Variants in TPO observed in about 807,000 individuals in gnomAD.
The protein encoded by TPO is thyroid peroxidase.
In TPO, 78 loss-of-function variants were observed where a neutral mutation model predicts 96.9. The observed-to-expected ratio is 0.81, with a 90% CI of 0.67 to 0.97. The LOEUF is 0.97. Among genes scored for constraint, TPO ranks in the 50% least tolerant of loss-of-function variants. The pLI is 0.00. For synonymous variants in TPO, 547 were observed against 538.0 expected, an observed-to-expected ratio of 1.02 and a Z score of -0.23; for missense variants, 1,252 against 1,274.8, an observed-to-expected ratio of 0.98 and a Z score of 0.27.
rs1374967073 is a variant in TPO at position 1,496,360 on chromosome 2, C to T, written c.2215+163C>T. Among the ~76,000 whole-genome samples the T allele has an allele frequency of 2.0e-5, 3 of 147,076 alleles. 1 individual carries two copies. Among genetic ancestry groups the T allele is most frequent in the Non-Finnish European group, 1.5e-5 (1 of 66,550 alleles). On this transcript the variant is annotated intron_variant, in intron 12 of 16. Transcript: ENST00000329066. ...GCTCCTGGGGCGGGGCGGGGCGGGG[C>T]GGGGCCCTTCTCTAGTGAGAAAGGA... is the stretch of plus-strand genomic sequence containing the variant.
chr2:1,448,755 A>G (rs1667055826), intron 5 of TPO, among the ~76,000 whole-genome samples: 1 of 152,174 alleles, frequency 6.6e-6, no homozygotes, highest in Admixed American at 6.5e-5. Flanking sequence ...ATCAGAGCAC[A>G]TTTGTTCACG....
chr2:1,419,090 T>C (rs9326168), intron 2 of TPO, among the ~76,000 whole-genome samples: 29,265 of 152,136 alleles, frequency 0.19, 3,693 homozygotes, highest in African/African-American at 0.36. Context: ...GTCCCTGAAT[T>C]CCACCTCTTT....
At chr2:1,412,120 T>A (rs1392031834), upstream of TPO, among the ~76,000 whole-genome samples, 1 of 152,202 alleles carries the variant, frequency 6.6e-6, no homozygotes, top group Non-Finnish European at 1.5e-5. Context: ...GCCCAAGAGC[T>A]CACTGCCCGC....
At chr2:1,538,047 A>ACCTCCTCAAATCCCCGCACTGTGTGCAG (rs1680260728) in intron 15 of TPO, among the ~76,000 whole-genome samples, 4 of 86,688 alleles carry the variant, frequency 4.6e-5, no homozygotes, top group African/African-American at 2.8e-4. Context: ...ACTGTGTGCA[A>ACCTCCTCAAATCCCCGCACTGTGTGCAG]CCTCCTCAAA....
intron 14 of TPO, among the ~76,000 whole-genome samples, chr2:1,509,157 C>T (rs1221639826): frequency 1.3e-5 from 2 of 152,190 alleles, no homozygotes; most frequent in Non-Finnish European, 2.9e-5. Flanking sequence ...AGTAGTCATT[C>T]AGGAGCAGGT....
At chr2:1,484,981 A>AT (rs1333636120) in intron 9 of TPO, 127 bp downstream of exon 9, 62 of 1,428,216 alleles carry the variant, frequency 4.3e-5, no homozygotes, top group Admixed American at 2.9e-4. Flanking sequence ...TAGGGTATAC[A>AT]TGTGCCATGT....
Position 1,494,058 on chromosome 2 carries a change from C to A in TPO, c.2006+19C>A, listed in dbSNP as rs189227782. ...GTGACTGGTACGTTCCTATCCAGAG[C>A]GTCTTCCTTCACGTTCTGCACAGAG... On this transcript the variant is annotated intron_variant, in intron 11 of 16. Coordinates refer to ENST00000329066, the MANE Select transcript of TPO (RefSeq NM_001206744.2). 7 of 1,610,844 alleles carry A rather than the reference C, an allele frequency of 4.3e-6. No individual in the cohort carries two copies. Among genetic ancestry groups the A allele is most frequent in the East Asian group, 2.2e-5 (1 of 44,880 alleles).
At chr2:1,521,877 C>T (rs1335071985) in intron 15 of TPO, among the ~76,000 whole-genome samples, 2 of 151,998 alleles carry the variant, frequency 1.3e-5, no homozygotes, top group Non-Finnish European at 2.9e-5. Context: ...GACAGCCTCC[C>T]ACCCCAGTCC....
intron 5 of TPO, among the ~76,000 whole-genome samples, chr2:1,441,817 C>T (rs1666222432): frequency 6.6e-6 from 1 of 152,266 alleles, no homozygotes; most frequent in Admixed American, 6.5e-5. Flanking sequence ...TAGTGTGTAG[C>T]TTGGCATCAG....
upstream of TPO, among the ~76,000 whole-genome samples, chr2:1,409,527 A>C (rs1279666870): frequency 2.0e-5 from 3 of 152,124 alleles, no homozygotes; most frequent in Non-Finnish European, 4.4e-5. Context: ...TCCTTCACCC[A>C]CCTGCTCAGT....
At chr2:1,512,514 A>T (rs890162611) in intron 14 of TPO, 2 of 982,336 alleles carry the variant, frequency 2.0e-6, no homozygotes, top group South Asian at 4.7e-5. Context: ...TGATGCTTGC[A>T]TGGTGCTGTC....
intron 8 of TPO, chr2:1,478,223 A>G: frequency 1.0e-6 from 1 of 985,338 alleles, no homozygotes; most frequent in Non-Finnish European, 1.2e-6. Context: ...GCCTTTTATT[A>G]ATTGTGTGAT....
At chr2:1,531,999 C>A (rs1573611458) in intron 15 of TPO, among the ~76,000 whole-genome samples, 1 of 105,272 alleles carries the variant, frequency 9.5e-6, no homozygotes, top group Non-Finnish European at 2.0e-5. Flanking sequence ...CTCCCAAAAT[C>A]TCCCCTATTG....
intron 1 of TPO, among the ~76,000 whole-genome samples, chr2:1,384,306 T>C (rs1661854444): frequency 6.6e-6 from 1 of 152,206 alleles, no homozygotes; most frequent in South Asian, 2.1e-4. Context: ...TTGGGCAGTA[T>C]GGTCATTTTC....
At chr2:1,478,289 GGTT>G in intron 8 of TPO, 1 of 984,486 alleles carries the variant, frequency 1.0e-6, no homozygotes, top group Non-Finnish European at 1.2e-6. Context: ...GGGTCTCACA[GGTT>G]GTTAGGAAGA....
At chr2:1,388,108 C>T (rs1463262358) in intron 1 of TPO, among the ~76,000 whole-genome samples, 1 of 152,212 alleles carries the variant, frequency 6.6e-6, no homozygotes, top group Non-Finnish European at 1.5e-5. Context: ...TGTGAGGTGT[C>T]AGTCTGCCCC....
chr2:1,485,614 G>A (rs1038880205), intron 9 of TPO, among the ~76,000 whole-genome samples: 1 of 151,580 alleles, frequency 6.6e-6, no homozygotes, highest in Non-Finnish European at 1.5e-5. Flanking sequence ...GGTGTGAGAT[G>A]GTATCTCATT....
intron 1 of TPO, among the ~76,000 whole-genome samples, chr2:1,375,476 G>A (rs776047773): frequency 1.3e-5 from 2 of 151,930 alleles, no homozygotes; most frequent in African/African-American, 2.4e-5. Flanking sequence ...GGGAAAGAGC[G>A]AGCAGGAGGG....
intron 4 of TPO, among the ~76,000 whole-genome samples, chr2:1,433,966 G>C (rs1665296158): frequency 6.6e-6 from 1 of 152,172 alleles, no homozygotes; most frequent in Admixed American, 6.5e-5. Context: ...TACAGTGAAA[G>C]GACTTCATGT....
Sources: allele counts gnomAD v4.1 joint callset (sites outside exome capture counted in the v4.1 genomes callset), GRCh38; gene constraint gnomAD v4.1.1; transcripts MANE v1.5; gene names NCBI Gene and HGNC (gene_info 2026-07-23, HGNC 2026-07-21).